ELOVL5: variants seen among roughly 807,000 people sequenced by gnomAD.
ELOVL5 encodes very long chain fatty acid elongase 5.
In ELOVL5, 8 loss-of-function variants were observed where a neutral mutation model predicts 38.6. That is an observed-to-expected ratio of 0.21 (90% confidence interval 0.12 to 0.37). The LOEUF (loss-of-function observed/expected upper bound fraction) is 0.37, where lower values mean the gene tolerates loss of function less well. Ranked by LOEUF, ELOVL5 falls within the 10% of genes least tolerant of loss-of-function variation. ELOVL5 has a pLI of 1.00. For missense variants in ELOVL5, 280 were observed against 367.8 expected (o/e 0.76, Z 1.95); for synonymous variants, 127 against 133.7 (o/e 0.95, Z 0.34).
intron 1 of ELOVL5, among the ~76,000 whole-genome samples, chr6:53,332,558 C>T (rs1346761388): frequency 2.6e-5 from 4 of 151,880 alleles, no homozygotes; most frequent in Non-Finnish European, 4.4e-5. Context: ...ATACACAGAA[C>T]GGAGCAGGAG....
At chr6:53,293,515 A>C (rs1373800713) in intron 2 of ELOVL5, among the ~76,000 whole-genome samples, 1 of 151,970 alleles carries the variant, frequency 6.6e-6, no homozygotes. Context: ...ACCAGGTTTC[A>C]CCATATTGGT....
At chr6:53,301,743 GA>G (rs1767260747) in intron 1 of ELOVL5, among the ~76,000 whole-genome samples, 1 of 151,410 alleles carries the variant, frequency 6.6e-6, no homozygotes, top group Non-Finnish European at 1.5e-5. Flanking sequence ...CAATTTTAAA[GA>G]ATTCCTTTTT....
chr6:53,307,759 A>G (rs1195672002), intron 1 of ELOVL5, among the ~76,000 whole-genome samples: 1 of 152,258 alleles, frequency 6.6e-6, no homozygotes, highest in Non-Finnish European at 1.5e-5. Flanking sequence ...GTAGAAGAGC[A>G]GGCCAGTGTC....
At position 53,291,821 on chromosome 6, in the gene ELOVL5, C is replaced by A. The variant is rs771995470; in HGVS notation, c.201G>T (p.Val67=). Residue 67 remains valine (V), a synonymous_variant, in exon 3 of 8, where the codon GTG becomes GTT. Coordinates refer to ENST00000304434, the MANE Select transcript of ELOVL5 (RefSeq NM_021814.5). The stretch of plus-strand genomic sequence containing the variant: ...ACAGCAGTGTGAGTCCAAGGTTATA[C>A]ACCACTAAAATCCCCCGGCAAGAGA... ...QPFSCRGILV[V]YNLGLTLLSL... 2 of 1,613,978 alleles carry A rather than the reference C, an allele frequency of 1.2e-6. No homozygotes were observed. The highest frequency in any genetic ancestry group is 2.2e-5 in the South Asian group (2 of 91,056).
intron 1 of ELOVL5, among the ~76,000 whole-genome samples, chr6:53,302,196 G>GA (rs1360319089): frequency 6.6e-6 from 1 of 152,190 alleles, no homozygotes; most frequent in Non-Finnish European, 1.5e-5. Context: ...TGCTCATGTG[G>GA]AAAATCCATC....
At chr6:53,322,233 T>C (rs1768329356) in intron 1 of ELOVL5, among the ~76,000 whole-genome samples, 1 of 152,234 alleles carries the variant, frequency 6.6e-6, no homozygotes, top group African/African-American at 2.4e-5. Context: ...AATTCACTTC[T>C]GGTGAGAGAG....
intron 3 of ELOVL5, among the ~76,000 whole-genome samples, chr6:53,291,558 G>A (rs1766775630): frequency 6.6e-6 from 1 of 152,050 alleles, no homozygotes; most frequent in Non-Finnish European, 1.5e-5. Context: ...CAATAACAAA[G>A]GCTTCTATTT....
chr6:53,285,006 C>T (rs188843166), intron 3 of ELOVL5, among the ~76,000 whole-genome samples: 1 of 152,140 alleles, frequency 6.6e-6, no homozygotes, highest in African/African-American at 2.4e-5. Flanking sequence ...TGAGATACAA[C>T]AATATTGAAA....
chr6:53,306,998 G>A (rs1767607549), intron 1 of ELOVL5, among the ~76,000 whole-genome samples: 1 of 152,180 alleles, frequency 6.6e-6, no homozygotes, highest in Admixed American at 6.5e-5. Context: ...AATCCATCAG[G>A]TGCAGGAGTT....
At chr6:53,283,688 A>G (rs952479687) in intron 3 of ELOVL5, among the ~76,000 whole-genome samples, 6 of 152,216 alleles carry the variant, frequency 3.9e-5, no homozygotes, top group Non-Finnish European at 5.9e-5. Flanking sequence ...GAGTGAATGG[A>G]AGAATGCAAA....
At chr6:53,340,552 T>C (rs1769282326) in intron 1 of ELOVL5, among the ~76,000 whole-genome samples, 1 of 152,186 alleles carries the variant, frequency 6.6e-6, no homozygotes, top group South Asian at 2.1e-4. Context: ...CCCTACATAG[T>C]TGTATCATTT....
intron 1 of ELOVL5, among the ~76,000 whole-genome samples, chr6:53,343,019 AACATTT>A (rs1769392506): frequency 6.6e-6 from 1 of 152,210 alleles, no homozygotes; most frequent in Non-Finnish European, 1.5e-5. Flanking sequence ...GGCTGGTAAT[AACATTT>A]ACGGGTTGAA....
intron 1 of ELOVL5, among the ~76,000 whole-genome samples, chr6:53,336,583 C>T (rs1769082773): frequency 6.6e-6 from 1 of 152,146 alleles, no homozygotes; most frequent in South Asian, 2.1e-4. Context: ...GACACCTGGG[C>T]CTGGGAAATT....
chr6:53,333,203 A>G (rs2127592123), intron 1 of ELOVL5, among the ~76,000 whole-genome samples: 1 of 152,360 alleles, frequency 6.6e-6, no homozygotes, highest in East Asian at 1.9e-4. Context: ...GGTGGATTAC[A>G]TATCCTCATG....
In ELOVL5 at chr6:53,324,270, A is replaced by AAAAAAG. The variant is rs1181826904; in HGVS notation, c.-9+24541_-9+24546dup. 2.0e-3 allele frequency among the ~76,000 whole-genome samples: 274 copies of AAAAAAG among 138,726 alleles called. 15 individuals carry two copies. The highest frequency in any genetic ancestry group is 2.3e-3 in the Non-Finnish European group (151 of 64,886). 91.0% of individuals were successfully genotyped at this position (138,726 alleles called of 152,430 possible). ...TCTACCTCAAAAAAAAAAAAAAAAA[A>AAAAAAG]AAAAAGAAAAAAAAGAAAAGAAAAA... On this transcript the variant is annotated intron_variant, in intron 1 of 7. Coordinates refer to ENST00000304434, the MANE Select transcript of ELOVL5 (RefSeq NM_021814.5).
chr6:53,269,422 CT>C, intron 7 of ELOVL5, 152 bp from the exon 8 acceptor site: 1 of 500,992 alleles, frequency 2.0e-6, no homozygotes. Context: ...TTGACTAAAT[CT>C]TTTGTCACTG....
At position 53,269,280 on chromosome 6, in the gene ELOVL5, G is replaced by T. The variant is rs1342516030; in HGVS notation, c.757-10C>A. ...CTTTCTTGTTGTAGGTCTAAAATGT[G>T]TAAGGGCAGATGAGAACCAAATGAC... On this transcript the variant is annotated splice_polypyrimidine_tract_variant and intron_variant, in intron 7 of 7. Coordinates refer to ENST00000304434, the MANE Select transcript of ELOVL5 (RefSeq NM_021814.5). 2.5e-6 allele frequency: 4 copies of T among 1,596,076 alleles called. No homozygotes were observed. Among genetic ancestry groups the T allele is most frequent in the Non-Finnish European group, 3.4e-6 (4 of 1,173,656 alleles).
At chr6:53,331,552 G>A (rs1202459401) in intron 1 of ELOVL5, among the ~76,000 whole-genome samples, 1 of 152,116 alleles carries the variant, frequency 6.6e-6, no homozygotes, top group Non-Finnish European at 1.5e-5. Context: ...CACCAGGCAA[G>A]AGGAATTTTT....
At chr6:53,323,586 T>TTC (rs201835662) in intron 1 of ELOVL5, among the ~76,000 whole-genome samples, 2,045 of 142,874 alleles carry the variant, frequency 0.014, 29 homozygotes, top group Admixed American at 0.026. Flanking sequence ...CTTTTTTTTT[T>TTC]TTTTTTTTTT....
Sources: gnomAD v4.1 joint callset for allele counts (sites outside exome capture counted in the v4.1 genomes callset) on GRCh38, gnomAD v4.1.1 for gene constraint, MANE v1.5 for transcripts, NCBI Gene and HGNC (gene_info 2026-07-23, HGNC 2026-07-21) for gene names.